The following MGAT4C variants were observed in gnomAD, a reference collection of about 807,000 sequenced individuals.
MGAT4C encodes MGAT4 family member C.
Under a neutral mutation model 40.1 loss-of-function variants are expected in MGAT4C, and 19 were observed. The observed-to-expected ratio is 0.47, with a 90% confidence interval of 0.33 to 0.70. MGAT4C has a LOEUF of 0.70. Ranked by LOEUF, MGAT4C falls within the 30% of genes least tolerant of loss-of-function variation. The pLI is 0.02. For missense variants in MGAT4C, 491 were observed against 563.2 expected, an observed-to-expected ratio of 0.87 and a Z score of 1.30; for synonymous variants, 181 against 187.1, an observed-to-expected ratio of 0.97 and a Z score of 0.27.
At chr12:86,353,036 T>A (rs139434212) in intron 3 of MGAT4C, among the ~76,000 whole-genome samples, 19,100 of 146,302 alleles carry the variant, frequency 0.13, 1,347 homozygotes, top group Middle Eastern at 0.24. Flanking sequence ...AATAAAAAAA[T>A]AAATAAATAA....
At chr12:86,688,915 T>C (rs1950123375) in intron 2 of MGAT4C, among the ~76,000 whole-genome samples, 1 of 152,216 alleles carries the variant, frequency 6.6e-6, no homozygotes, top group South Asian at 2.1e-4. Context: ...GGGGAAGTTC[T>C]CCTGGATAAT....
chr12:86,069,622 A>G (rs1306964291), intron 1 of MGAT4C, among the ~76,000 whole-genome samples: 3 of 152,140 alleles, frequency 2.0e-5, no homozygotes, highest in Non-Finnish European at 4.4e-5. Flanking sequence ...CCCCAGGCCA[A>G]TTACAGTCAT....
intron 3 of MGAT4C, among the ~76,000 whole-genome samples, chr12:86,346,379 C>G (rs1353240164): frequency 6.6e-6 from 1 of 152,076 alleles, no homozygotes; most frequent in Non-Finnish European, 1.5e-5. Context: ...TGTGCACCAC[C>G]ATGCCCGACT....
At chr12:86,238,364 T>C (rs1360561198) in intron 1 of MGAT4C, among the ~76,000 whole-genome samples, 2 of 152,062 alleles carry the variant, frequency 1.3e-5, no homozygotes, top group African/African-American at 4.8e-5. Context: ...ATAATTTTCT[T>C]ATACTATCTG....
chr12:86,210,650 T>A (rs1950426449), intron 1 of MGAT4C, among the ~76,000 whole-genome samples: 1 of 152,206 alleles, frequency 6.6e-6, no homozygotes, highest in African/African-American at 2.4e-5. Context: ...ATCACTTACA[T>A]TTACCTTTAA....
chr12:86,514,673 A>C (rs939212048), intron 2 of MGAT4C, among the ~76,000 whole-genome samples: 8 of 152,194 alleles, frequency 5.3e-5, no homozygotes, highest in African/African-American at 1.9e-4. Context: ...CACTCTGATA[A>C]TGCTGGATAA....
chr12:86,277,294 C>T (rs972566526), intron 4 of MGAT4C, among the ~76,000 whole-genome samples: 3 of 152,078 alleles, frequency 2.0e-5, no homozygotes, highest in Non-Finnish European at 4.4e-5. Flanking sequence ...GGTTATTAAT[C>T]CATTGTCAGA....
chr12:86,487,536 C>G (rs1443984464), intron 2 of MGAT4C, among the ~76,000 whole-genome samples: 1 of 152,064 alleles, frequency 6.6e-6, no homozygotes, highest in Non-Finnish European at 1.5e-5. Context: ...TAATTGTGCT[C>G]TTTTAGGGGT....
intron 1 of MGAT4C, among the ~76,000 whole-genome samples, chr12:86,149,626 C>G (rs1884016966): frequency 6.6e-6 from 1 of 152,050 alleles, no homozygotes; most frequent in East Asian, 1.9e-4. Flanking sequence ...TAAATTTTCA[C>G]TAAAAATCTT....
chr12:86,486,618 C>T (rs1006065959), intron 2 of MGAT4C, among the ~76,000 whole-genome samples: 1 of 152,124 alleles, frequency 6.6e-6, no homozygotes, highest in African/African-American at 2.4e-5. Flanking sequence ...GACACCCACA[C>T]AATAATCGTG....
At chr12:86,347,645 T>C (rs1224383216) in intron 3 of MGAT4C, among the ~76,000 whole-genome samples, 2 of 152,200 alleles carry the variant, frequency 1.3e-5, no homozygotes, top group South Asian at 2.1e-4. Context: ...TCACCTCGTA[T>C]AGACACATAT....
intron 2 of MGAT4C, among the ~76,000 whole-genome samples, chr12:86,586,213 T>G (rs2136440574): frequency 7.1e-6 from 1 of 140,008 alleles, no homozygotes. Context: ...TGGTTTTTTG[T>G]TCTTGCGATA....
rs1198928059 is a variant in MGAT4C, at chr12:85,957,657, C to CAAAAAAAAAAAAAAAAGAAAA, written c.*21611_*21631dup. On this transcript the variant is annotated 3_prime_UTR_variant, in exon 5 of 5. Coordinates refer to ENST00000611864, the MANE Select transcript of MGAT4C (RefSeq NM_001351288.2). Reference sequence around the variant, plus strand: ...TTTACTGTAGAGTTGAATAAGAAAGCAAAAAAAAAAAAAAAAGAAAAAAGA... The same window carrying CAAAAAAAAAAAAAAAAGAAAA: ...TTTACTGTAGAGTTGAATAAGAAAGCAAAAAAAAAAAAAAAAGAAAAAAAAAAAAAAAAAAAAGAAAAAAGA... 9.9e-6 allele frequency: 1 copy of CAAAAAAAAAAAAAAAAGAAAA among 101,298 alleles called. No individual in the cohort carries two copies. Among genetic ancestry groups the CAAAAAAAAAAAAAAAAGAAAA allele is most frequent in the Non-Finnish European group, 1.9e-5 (1 of 52,738 alleles). 6.3% of individuals were successfully genotyped at this position (101,298 alleles called of 1,614,324 possible).
At chr12:86,614,355 C>T (rs1565884328) in intron 2 of MGAT4C, among the ~76,000 whole-genome samples, 1 of 152,136 alleles carries the variant, frequency 6.6e-6, no homozygotes, top group Non-Finnish European at 1.5e-5. Context: ...GAGGTGAAAG[C>T]AGGACATTTT....
At chr12:86,770,274 C>A (rs905141303) in intron 1 of MGAT4C, among the ~76,000 whole-genome samples, 1 of 151,810 alleles carries the variant, frequency 6.6e-6, no homozygotes, top group African/African-American at 2.4e-5. Context: ...TATACCTGGT[C>A]TACCAAATTT....
intron 2 of MGAT4C, among the ~76,000 whole-genome samples, chr12:86,048,225 T>G (rs992547123): frequency 6.6e-6 from 1 of 152,002 alleles, no homozygotes; most frequent in African/African-American, 2.4e-5. Context: ...AACCAAATAC[T>G]CCGTGTTTTC....
At chr12:86,819,301 T>C (rs1257192336) in intron 1 of MGAT4C, among the ~76,000 whole-genome samples, 1 of 150,960 alleles carries the variant, frequency 6.6e-6, no homozygotes, top group Non-Finnish European at 1.5e-5. Context: ...ATATATGATA[T>C]GAATCTTCCT....
At chr12:86,486,878 G>C (rs765471813) in intron 2 of MGAT4C, among the ~76,000 whole-genome samples, 1 of 152,110 alleles carries the variant, frequency 6.6e-6, no homozygotes, top group Non-Finnish European at 1.5e-5. Context: ...TAAACATTGG[G>C]AGTCTTTGCC....
At chr12:86,341,730 C>T (rs749759019) in intron 3 of MGAT4C, among the ~76,000 whole-genome samples, 2 of 152,188 alleles carry the variant, frequency 1.3e-5, no homozygotes. Context: ...CCCAGCACAG[C>T]ACAGCTGCTC....
Sources: allele counts gnomAD v4.1 joint callset (sites outside exome capture counted in the v4.1 genomes callset), GRCh38; gene constraint gnomAD v4.1.1; transcripts MANE v1.5; gene names NCBI Gene and HGNC (gene_info 2026-07-23, HGNC 2026-07-21).